The following HDLBP variants were observed in gnomAD, a reference collection of about 807,000 sequenced individuals.
HDLBP encodes the protein vigilin.
Under a neutral mutation model 137.3 loss-of-function variants are expected in HDLBP, and 30 were observed. The ratio of observed to expected loss-of-function variants is 0.22; its 90% CI spans 0.16 to 0.30. The LOEUF (loss-of-function observed/expected upper bound fraction) is 0.30, where lower values mean the gene tolerates loss of function less well. Ranked by LOEUF, HDLBP falls within the 10% of genes least tolerant of loss-of-function variation. The pLI is 1.00. For synonymous variants in HDLBP, 606 were observed against 596.0 expected (o/e 1.02, Z -0.24); for missense variants, 1,119 against 1,667.3 (o/e 0.67, Z 5.73).
At position 241,231,397 on chromosome 2, in the gene HDLBP, C is replaced by CA. The variant is rs1299370961; in HGVS notation, c.3289-454dup. ...AAACTCCATCTCAAAAAAAAAAAAACAAAAAAAAAACACCCCACAAAAAAC... is the reference window on the plus strand; with the variant it reads ...AAACTCCATCTCAAAAAAAAAAAAACAAAAAAAAAAACACCCCACAAAAAAC... On this transcript the variant is annotated intron_variant, in intron 24 of 27. Coordinates refer to ENST00000310931, the MANE Select transcript of HDLBP (RefSeq NM_005336.6). 7.4e-3 allele frequency: 1,015 copies of CA among 136,440 alleles called. 9 individuals carry two copies. Among genetic ancestry groups the CA allele is most frequent in the African/African-American group, 0.025 (885 of 35,646 alleles). The allele number at this position is 136,440 out of a possible 1,614,324, so 8.5% of individuals were successfully genotyped here.
intron 1 of HDLBP, among the ~76,000 whole-genome samples, chr2:241,285,382 A>G (rs1218681243): frequency 1.3e-5 from 2 of 152,192 alleles, no homozygotes; most frequent in African/African-American, 2.4e-5. Flanking sequence ...AAGATTAAAC[A>G]TTTGCATTGG....
At chr2:241,280,697 A>T (rs2074563613) in intron 1 of HDLBP, among the ~76,000 whole-genome samples, 1 of 152,246 alleles carries the variant, frequency 6.6e-6, no homozygotes, top group African/African-American at 2.4e-5. Context: ...ACCTGCTTTC[A>T]GAATCTTGCT....
chr2:241,242,397 G>T, intron 17 of HDLBP, 63 bp downstream of exon 17: 1 of 1,391,168 alleles, frequency 7.2e-7, no homozygotes, highest in Non-Finnish European at 1.0e-6. Flanking sequence ...ACAGTGAGAA[G>T]CGAGAACACT....
intron 6 of HDLBP, 76 bp from the exon 7 acceptor site, chr2:241,256,475 G>A: frequency 2.0e-6 from 3 of 1,494,550 alleles, no homozygotes; most frequent in Non-Finnish European, 2.8e-6. Flanking sequence ...TTTTAGAGTT[G>A]GAGTCAAGCC....
intron 1 of HDLBP, among the ~76,000 whole-genome samples, chr2:241,302,041 G>A (rs951180468): frequency 3.3e-5 from 5 of 150,962 alleles, no homozygotes; most frequent in African/African-American, 1.2e-4. Flanking sequence ...GATCAGCTTG[G>A]GCAATATAGC....
At chr2:241,246,222 ATC>A (rs1344752601) in intron 16 of HDLBP, among the ~76,000 whole-genome samples, 2 of 151,038 alleles carry the variant, frequency 1.3e-5, no homozygotes, top group Non-Finnish European at 2.9e-5. Flanking sequence ...ATCCAAAAGC[ATC>A]TACTGTGGCC....
In HDLBP at chr2:241,311,293, T is replaced by C. The variant is rs76504488; in HGVS notation, c.-103+4277A>G. Reference sequence around the variant, plus strand: ...TTAGAGACCGCGGAGCAAAATGATGTCCAAATTCCTACTCAGGATAAGAGC... The same window carrying C: ...TTAGAGACCGCGGAGCAAAATGATGCCCAAATTCCTACTCAGGATAAGAGC... On this transcript the variant is annotated intron_variant, in intron 1 of 27. Coordinates refer to ENST00000310931, the MANE Select transcript of HDLBP (RefSeq NM_005336.6). Among the ~76,000 whole-genome samples the C allele has an allele frequency of 6.6e-5, 10 of 152,284 alleles. No individual in the cohort carries two copies. In the East Asian group the frequency reaches 1.9e-3, roughly 29 times the overall value.
intron 21 of HDLBP, chr2:241,236,289 G>A (rs920346848): frequency 1.1e-5 from 4 of 348,984 alleles, no homozygotes; most frequent in Non-Finnish European, 1.6e-5. Flanking sequence ...GGGGGGAGAC[G>A]TTGCAACTGG....
chr2:241,241,520 T>C (rs563355361), intron 17 of HDLBP, among the ~76,000 whole-genome samples: 26 of 123,628 alleles, frequency 2.1e-4, no homozygotes, highest in East Asian at 1.3e-3. Flanking sequence ...TGAGGCGAGA[T>C]TGCGCCACTA....
At chr2:241,231,961 G>GC (rs2069818172) in intron 24 of HDLBP, among the ~76,000 whole-genome samples, 1 of 151,972 alleles carries the variant, frequency 6.6e-6, no homozygotes, top group African/African-American at 2.4e-5. Flanking sequence ...CCATCATCAC[G>GC]CAACAGGACT....
intron 1 of HDLBP, among the ~76,000 whole-genome samples, chr2:241,288,396 C>CACAATCAAGA (rs1553655977): frequency 6.6e-6 from 1 of 151,532 alleles, no homozygotes; most frequent in East Asian, 1.9e-4. Flanking sequence ...CAGTTGCCTG[C>CACAATCAAGA]ACAACTAAGA....
intron 10 of HDLBP, 158 bp downstream of exon 10, chr2:241,253,235 C>T (rs1170198436): frequency 4.3e-6 from 3 of 690,310 alleles, no homozygotes; most frequent in East Asian, 5.1e-5. Flanking sequence ...AGGACTTCGA[C>T]CAGCTTCTGG....
rs533793059 is a variant in HDLBP, at chr2:241,279,551, T to C, written c.-102-11010A>G. On this transcript the variant is annotated intron_variant, in intron 1 of 27. Coordinates refer to ENST00000310931, the MANE Select transcript of HDLBP (RefSeq NM_005336.6). ...CACAGAGAACAAGGGAGCAGCAGAG[T>C]GGGCCCAACGCAGACACCACAGACA... is the stretch of plus-strand genomic sequence containing the variant. 2.0e-5 allele frequency among the ~76,000 whole-genome samples: 3 copies of C among 151,512 alleles called. No individual in the cohort carries two copies. In the East Asian group the frequency reaches 5.8e-4, roughly 29 times the overall value.
At position 241,236,550 on chromosome 2, in the gene HDLBP, C is replaced by T. The variant is rs199781782; in HGVS notation, c.2904+65G>A. 2,070 of 1,544,680 alleles carry T rather than the reference C, an allele frequency of 1.3e-3. 9 individuals carry two copies. The highest frequency in any genetic ancestry group is 8.4e-3 in the South Asian group (723 of 85,916). On this transcript the variant is annotated intron_variant, in intron 21 of 27. Coordinates refer to ENST00000310931, the MANE Select transcript of HDLBP (RefSeq NM_005336.6). ...AACCGTCCATCCCATCCAGGCCACG[C>T]GTCTCCCCAGGTGCCTGCTGACTGG... is the stretch of plus-strand genomic sequence containing the variant.
rs879760052 is a variant in HDLBP at position 241,236,419 on chromosome 2, G to T, written c.2904+196C>A. The T allele has an allele frequency of 2.5e-5, 15 of 611,004 alleles. No homozygotes were observed. The Admixed American group carries it at 3.0e-4, about 12-fold the overall frequency. 37.8% of individuals were successfully genotyped at this position (611,004 alleles called of 1,614,324 possible). A position where few individuals can be genotyped will look rare whatever the true frequency, so the allele number is the denominator to read the frequency against. ...AGGGGCTATAGAACCCCGAGCCTTG[G>T]TGAAGGGAAGTGGCCTCCCCAAACT... On this transcript the variant is annotated intron_variant, in intron 21 of 27. Transcript: ENST00000310931.
chr2:241,293,356 A>C (rs2075066965), intron 1 of HDLBP, among the ~76,000 whole-genome samples: 1 of 152,008 alleles, frequency 6.6e-6, no homozygotes, highest in Admixed American at 6.6e-5. Flanking sequence ...AAAGCCATGC[A>C]TGATGGCACA....
At chr2:241,260,439 TAA>T (rs953144381) in intron 5 of HDLBP, among the ~76,000 whole-genome samples, 6 of 152,138 alleles carry the variant, frequency 3.9e-5, no homozygotes, top group African/African-American at 1.4e-4. Context: ...ATAATGACAC[TAA>T]AGAGAGTCAC....
At chr2:241,266,482 T>C (rs2073684227) in intron 3 of HDLBP, 1 of 331,410 alleles carries the variant, frequency 3.0e-6, no homozygotes, top group Admixed American at 4.7e-5. Flanking sequence ...AGAGCCCAGA[T>C]TTTAGTTTAC....
chr2:241,239,949 GTCC>G lies in HDLBP; in HGVS notation c.2340_2342del (p.Glu780del). 1 of 1,614,182 alleles carries G rather than the reference GTCC, an allele frequency of 6.2e-7. No individual in the cohort carries two copies. The highest frequency in any genetic ancestry group is 8.5e-7 in the Non-Finnish European group (1 of 1,180,030). On this transcript the variant is annotated inframe_deletion, in exon 18 of 28. Transcript: ENST00000310931. The surrounding 1 kb of genome is among the most constrained non-coding windows in gnomAD (Gnocchi z 4.6). ...GCTCCTTCTGTGCCTCTCGGACGGC[GTCC>G]TCCTTTCCAATGATGGTGATCAGGT... is the stretch of plus-strand genomic sequence containing the variant.
Sources: gnomAD v4.1 joint callset for allele counts (sites outside exome capture counted in the v4.1 genomes callset) on GRCh38, gnomAD v4.1.1 for gene constraint, Gnocchi (gnomAD v3.1) non-coding constraint, MANE v1.5 for transcripts, NCBI Gene and HGNC (gene_info 2026-07-23, HGNC 2026-07-21) for gene names.